The following MINDY3 variants were observed in gnomAD, a reference collection of about 807,000 sequenced individuals.
MINDY3 encodes the protein MINDY lysine 48 deubiquitinase 3, also known as ubiquitin carboxyl-terminal hydrolase MINDY-3.
A neutral mutation model predicts 69.2 loss-of-function variants in MINDY3; 38 were observed. That is an observed-to-expected ratio of 0.55 (90% CI 0.42 to 0.72). The LOEUF is 0.72. Among genes scored for constraint, MINDY3 ranks in the 30% least tolerant of loss-of-function variants. The pLI, the probability that MINDY3 is intolerant of heterozygous loss-of-function variation, is 0.00. For missense variants in MINDY3, 522 were observed against 519.0 expected (o/e 1.01, Z -0.06); for synonymous variants, 192 against 180.1 (o/e 1.07, Z -0.53).
chr10:15,786,763 C>T, intron 12 of MINDY3, 115 bp from the exon 13 acceptor site: 1 of 681,592 alleles, frequency 1.5e-6, no homozygotes, highest in East Asian at 2.6e-5. Context: ...ACACTAAGAG[C>T]TGTTCTTTTT....
chr10:15,800,975 G>T (rs1838216792), intron 10 of MINDY3, among the ~76,000 whole-genome samples: 1 of 152,138 alleles, frequency 6.6e-6, no homozygotes, highest in African/African-American at 2.4e-5. Flanking sequence ...GGAGCTAAAG[G>T]TGGAGAACTT....
At chr10:15,821,832 C>CT in intron 8 of MINDY3, 106 bp from the exon 9 acceptor site, 1 of 799,568 alleles carries the variant, frequency 1.3e-6, no homozygotes, top group Non-Finnish European at 1.9e-6. Flanking sequence ...TACACCAAAA[C>CT]TTTTAACTTT....
chr10:15,832,948 G>A (rs1445619665), intron 8 of MINDY3, among the ~76,000 whole-genome samples: 1 of 151,982 alleles, frequency 6.6e-6, no homozygotes, highest in East Asian at 1.9e-4. Context: ...CCTATGCTAC[G>A]TACTTCAGAG....
At chr10:15,822,704 G>C (rs1198708006) in intron 8 of MINDY3, among the ~76,000 whole-genome samples, 2 of 152,122 alleles carry the variant, frequency 1.3e-5, no homozygotes, top group East Asian at 1.9e-4. Flanking sequence ...TAAATAGCCG[G>C]AAGTAAGGCT....
chr10:15,817,000 A>G (rs1283078658), intron 9 of MINDY3, 85 bp from the exon 10 acceptor site: 10 of 981,560 alleles, frequency 1.0e-5, no homozygotes, highest in South Asian at 5.6e-5. Context: ...TCTGAAGCAT[A>G]AAGTGTCCAA....
At chr10:15,845,917 G>A (rs962588897) in intron 2 of MINDY3, among the ~76,000 whole-genome samples, 1 of 147,742 alleles carries the variant, frequency 6.8e-6, no homozygotes, top group South Asian at 2.1e-4. Context: ...CCACCTTCTG[G>A]TTTCAAGTGA....
rs541979955 is a variant in MINDY3, at chr10:15,818,388, G to A, written c.802-1473C>T. On this transcript the variant is annotated intron_variant, in intron 9 of 14. Coordinates refer to ENST00000277632, the MANE Select transcript of MINDY3 (RefSeq NM_024948.4). ...GAATGCTAAACTCATGAAATGTTTT[G>A]TAATAGTAAAAATATATTGAATGCA... Among the ~76,000 whole-genome samples, 3 of 151,788 alleles carry A rather than the reference G, an allele frequency of 2.0e-5. 1 individual carries two copies. Among genetic ancestry groups the A allele is most frequent in the East Asian group, 1.9e-4 (1 of 5,154 alleles).
Position 15,829,796 on chromosome 10 carries a change from AT to A in MINDY3, c.730+3833del, listed in dbSNP as rs556979114. ...AGGAAGAAAAAAGGGAGCAGCTAGC[AT>A]TTCTGTGCTTGCGCTAGGCAGCATA... On this transcript the variant is annotated intron_variant, in intron 8 of 14. Coordinates refer to ENST00000277632, the MANE Select transcript of MINDY3 (RefSeq NM_024948.4). Among the ~76,000 whole-genome samples the A allele has an allele frequency of 1.1e-3, 171 of 152,360 alleles. 6 individuals carry two copies. In the South Asian group the frequency reaches 0.035, roughly 32 times the overall value.
At chr10:15,801,498 A>G (rs1838257594) in intron 10 of MINDY3, among the ~76,000 whole-genome samples, 1 of 152,088 alleles carries the variant, frequency 6.6e-6, no homozygotes, top group Non-Finnish European at 1.5e-5. Flanking sequence ...GATATTGGAC[A>G]ATGTCCCTGG....
At chr10:15,784,599 G>C (rs1367393498) in intron 13 of MINDY3, among the ~76,000 whole-genome samples, 1 of 152,072 alleles carries the variant, frequency 6.6e-6, no homozygotes, top group Non-Finnish European at 1.5e-5. Flanking sequence ...ACAAAAATTA[G>C]CCAGGCCACC....
At chr10:15,845,624 G>A (rs962621429) in intron 2 of MINDY3, among the ~76,000 whole-genome samples, 2 of 151,244 alleles carry the variant, frequency 1.3e-5, no homozygotes, top group South Asian at 2.1e-4. Flanking sequence ...CTAGCCTCCC[G>A]AGTAGCTAGG....
At chr10:15,786,386 C>A (rs1039057047) in intron 13 of MINDY3, among the ~76,000 whole-genome samples, 175 bp downstream of exon 13, 3 of 152,114 alleles carry the variant, frequency 2.0e-5, no homozygotes, top group African/African-American at 7.2e-5. Context: ...CAAGGCACTG[C>A]GTTACCGTAT....
chr10:15,788,043 G>C (rs1422401403), intron 12 of MINDY3, among the ~76,000 whole-genome samples: 1 of 151,890 alleles, frequency 6.6e-6, no homozygotes, highest in African/African-American at 2.4e-5. Flanking sequence ...AGGAAAATTA[G>C]GTAGATGATA....
chr10:15,799,437 TC>T (rs1463818077), intron 10 of MINDY3, among the ~76,000 whole-genome samples: 4 of 152,080 alleles, frequency 2.6e-5, no homozygotes, highest in Admixed American at 2.6e-4. Context: ...GACCTCATGA[TC>T]CACCCACCTC....
At chr10:15,790,764 C>T (rs1056775923) in intron 11 of MINDY3, among the ~76,000 whole-genome samples, 1 of 152,112 alleles carries the variant, frequency 6.6e-6, no homozygotes, top group African/African-American at 2.4e-5. Flanking sequence ...CATCCCTGAT[C>T]TGGTCCAAAA....
chr10:15,792,459 C>CTGTT (rs1158517102), intron 11 of MINDY3, among the ~76,000 whole-genome samples: 1 of 152,088 alleles, frequency 6.6e-6, no homozygotes, highest in Non-Finnish European at 1.5e-5. Context: ...ATACAGAAAA[C>CTGTT]TGTTAGCTGG....
chr10:15,800,114 A>G, intron 10 of MINDY3, among the ~76,000 whole-genome samples: 1 of 152,124 alleles, frequency 6.6e-6, no homozygotes, highest in East Asian at 1.9e-4. Flanking sequence ...TTTCTTGGAA[A>G]TTTGTGACAA....
rs569623476 is a variant in MINDY3, at chr10:15,801,258, G to C, written c.883-5086C>G. 1.3e-4 allele frequency among the ~76,000 whole-genome samples: 20 copies of C among 152,224 alleles called. No homozygotes were observed. The East Asian group carries it at 3.5e-3, about 27-fold the overall frequency. On this transcript the variant is annotated intron_variant, in intron 10 of 14. Coordinates refer to ENST00000277632, the MANE Select transcript of MINDY3 (RefSeq NM_024948.4). ...TAGGATTTAAGACAGAAAGGAAAAG[G>C]CTACTGTTTTATGCACATGCAGTCA... is the stretch of plus-strand genomic sequence containing the variant.
At position 15,778,944 on chromosome 10, in the gene MINDY3, T is replaced by C. The variant is rs1439962907; in HGVS notation, c.*48A>G. 3 of 1,559,978 alleles carry C rather than the reference T, an allele frequency of 1.9e-6. No homozygotes were observed. The highest frequency in any genetic ancestry group is 2.6e-6 in the Non-Finnish European group (3 of 1,142,526). ...CAGCCAATTGCCAGTCTTGACTCCT[T>C]CTTTCAACATCTGTTATTAAGATCT... is the stretch of plus-strand genomic sequence containing the variant. On this transcript the variant is annotated 3_prime_UTR_variant, in exon 15 of 15. Coordinates refer to ENST00000277632, the MANE Select transcript of MINDY3 (RefSeq NM_024948.4).
Sources: allele counts gnomAD v4.1 joint callset (sites outside exome capture counted in the v4.1 genomes callset), GRCh38; gene constraint gnomAD v4.1.1; transcripts MANE v1.5; gene names NCBI Gene and HGNC (gene_info 2026-07-23, HGNC 2026-07-21).